The following ACSM3 variants were observed in gnomAD, a reference collection of about 807,000 sequenced individuals.
ACSM3 encodes acyl-CoA synthetase medium chain family member 3.
In ACSM3, 61 loss-of-function variants were observed where a neutral mutation model predicts 74.1. The observed-to-expected ratio is 0.82, with a 90% confidence interval of 0.67 to 1.02. ACSM3 has a LOEUF of 1.02. Among genes scored for constraint, ACSM3 ranks in the 50% least tolerant of loss-of-function variants. The pLI is 0.00. For synonymous variants in ACSM3, 213 were observed against 241.5 expected, an observed-to-expected ratio of 0.88 and a Z score of 1.09; for missense variants, 660 against 697.0, an observed-to-expected ratio of 0.95 and a Z score of 0.60.
chr16:20,737,390 T>A, intron 1 of ACSM3: 1 of 1,164,180 alleles, frequency 8.6e-7, no homozygotes, highest in Non-Finnish European at 1.2e-6. Flanking sequence ...AGACATACAG[T>A]AATCCACTCT....
At position 20,785,030 on chromosome 16, in the gene ACSM3, A is replaced by G. The variant is rs369017155; in HGVS notation, c.1066A>G (p.Ile356Val). Residue 356 changes from isoleucine to valine, a missense_variant, in exon 8 of 14, where the codon ATT becomes GTT. By Grantham distance (29) the Ile-to-Val change is conservative. Transcript: ENST00000289416. ...GCACTGTGTGAGTGCTGGGGAACCA[A>G]TTACCCCTGACGTGACTGAAAAATG... ...LKHCVSAGEP[I>V]TPDVTEKWRN... is the part of the protein sequence containing the mutation. The G allele has an allele frequency of 4.4e-5, 71 of 1,613,626 alleles. No homozygotes were observed. The highest frequency in any genetic ancestry group is 5.8e-5 in the Non-Finnish European group (68 of 1,179,744).
At chr16:20,696,804 GC>G (rs1451161762) in intron 1 of ACSM3, among the ~76,000 whole-genome samples, 2 of 152,178 alleles carry the variant, frequency 1.3e-5, no homozygotes, top group East Asian at 1.9e-4. Context: ...GACTGATAAA[GC>G]TATTTAATGA....
At position 20,717,371 on chromosome 16, in the gene ACSM3, G is replaced by A. The variant is rs188614832; in HGVS notation, c.-189-32539G>A. Among the ~76,000 whole-genome samples, 534 of 152,276 alleles carry A rather than the reference G, an allele frequency of 3.5e-3. 1 individual carries two copies. The highest frequency in any genetic ancestry group is 0.01 in the Middle Eastern group (3 of 294). On this transcript the variant is annotated intron_variant, in intron 1 of 3. Transcript: ENST00000561584. ...AGGAGCTATACAGGACAGTCTTACCGGAAGCACTTGATTGCCTGATACCTG... is the reference window on the plus strand; with the variant it reads ...AGGAGCTATACAGGACAGTCTTACCAGAAGCACTTGATTGCCTGATACCTG...
At chr16:20,741,481 G>GTCCCCCCCCT in intron 1 of ACSM3, 1 of 1,308,414 alleles carries the variant, frequency 7.6e-7, no homozygotes, top group South Asian at 1.8e-5. Flanking sequence ...CTGGCAGCCG[G>GTCCCCCCCCT]CCCGCCCGCC....
chr16:20,718,437 T>G, intron 1 of ACSM3: 1 of 633,644 alleles, frequency 1.6e-6, no homozygotes, highest in Non-Finnish European at 2.3e-6. Context: ...CAGGCTCTCC[T>G]AAGATGGCCC....
At chr16:20,709,848 G>A (rs1555480354) in intron 1 of ACSM3, among the ~76,000 whole-genome samples, 1 of 152,218 alleles carries the variant, frequency 6.6e-6, no homozygotes, top group Non-Finnish European at 1.5e-5. Context: ...CAAGTCTTGG[G>A]AGTCTGGGGA....
chr16:20,777,529 T>C lies in ACSM3; in HGVS notation c.587T>C (p.Ile196Thr). 6.2e-7 allele frequency: 1 copy of C among 1,614,044 alleles called. No individual in the cohort carries two copies. Among genetic ancestry groups the C allele is most frequent in the South Asian group, 1.1e-5 (1 of 91,076 alleles). Residue 196 changes from isoleucine (I) to threonine (T), a missense_variant, in exon 4 of 14, where the codon ATT (isoleucine) becomes ACT (threonine). Physicochemically the swap from Ile to Thr is moderately conservative, Grantham distance 89. Transcript: ENST00000289416. ...SKCENLHSKL[I>T]VSENSREGWG... Reference sequence around the variant, plus strand: ...TGTGAAAATCTGCACTCCAAGCTGATTGTATCAGAGAACTCCAGAGAGGGG... The same window carrying C: ...TGTGAAAATCTGCACTCCAAGCTGACTGTATCAGAGAACTCCAGAGAGGGG...
chr16:20,736,220 C>T (rs1206386052), intron 1 of ACSM3: 2 of 152,086 alleles, frequency 1.3e-5, no homozygotes, highest in Non-Finnish European at 2.9e-5. Context: ...TCCCTTGTTG[C>T]ACTAGTATAC....
intron 1 of ACSM3, among the ~76,000 whole-genome samples, chr16:20,686,097 T>C (rs1035165456): frequency 6.6e-6 from 1 of 152,136 alleles, no homozygotes; most frequent in African/African-American, 2.4e-5. Flanking sequence ...TTAAATAAGT[T>C]ATTTACATAA....
chr16:20,680,792 A>G (rs889316729), intron 1 of ACSM3: 1 of 152,220 alleles, frequency 6.6e-6, no homozygotes, highest in African/African-American at 2.4e-5. Flanking sequence ...CATCAACTAG[A>G]GGTTCCAAAT....
chr16:20,779,193 T>C (rs1173996526), intron 4 of ACSM3, among the ~76,000 whole-genome samples: 1 of 151,484 alleles, frequency 6.6e-6, no homozygotes, highest in Non-Finnish European at 1.5e-5. Context: ...GAGGCTGAGG[T>C]GGGATGATGG....
intron 1 of ACSM3, among the ~76,000 whole-genome samples, chr16:20,743,479 TG>T (rs2152426301): frequency 6.6e-6 from 1 of 152,340 alleles, no homozygotes; most frequent in East Asian, 1.9e-4. Flanking sequence ...TTGAAGAATG[TG>T]TTTAAAAAAC....
At chr16:20,792,169 T>A in intron 11 of ACSM3, 40 bp downstream of exon 11, 1 of 1,614,118 alleles carries the variant, frequency 6.2e-7, no homozygotes, top group Non-Finnish European at 8.5e-7. Flanking sequence ...CTGTGTTAAC[T>A]GATCATCAGT....
intron 2 of ACSM3, among the ~76,000 whole-genome samples, chr16:20,774,239 CTT>C (rs71377684): frequency 3.6e-4 from 41 of 113,994 alleles, no homozygotes; most frequent in Middle Eastern, 5.3e-3. Flanking sequence ...TTTTCTGTGT[CTT>C]TTTTTTTTTT....
intron 4 of ACSM3, among the ~76,000 whole-genome samples, chr16:20,778,352 ATT>A (rs976062454): frequency 1.1e-4 from 17 of 152,150 alleles, no homozygotes; most frequent in African/African-American, 3.4e-4. Flanking sequence ...TTACTCAAGG[ATT>A]TGGGAGCATG....
intron 1 of ACSM3, among the ~76,000 whole-genome samples, chr16:20,691,915 C>T (rs977282712): frequency 1.3e-5 from 2 of 151,868 alleles, no homozygotes; most frequent in Admixed American, 6.6e-5. Context: ...CCCCTACAGG[C>T]GAGAATGAAA....
At chr16:20,749,101 T>C (rs12934252) in intron 1 of ACSM3, among the ~76,000 whole-genome samples, 19,564 of 152,046 alleles carry the variant, frequency 0.13, 1,334 homozygotes, top group East Asian at 0.21. Flanking sequence ...AAGTGAGATA[T>C]GTGTAATATG....
At chr16:20,676,129 G>A (rs2020262430) in intron 1 of ACSM3, 1 of 152,302 alleles carries the variant, frequency 6.6e-6, no homozygotes, top group Non-Finnish European at 1.5e-5. Context: ...TCTCACCTGA[G>A]AAGGAGAAAT....
chr16:20,719,262 T>A (rs1488909136), intron 1 of ACSM3: 6 of 215,650 alleles, frequency 2.8e-5, no homozygotes, highest in Non-Finnish European at 2.1e-5. Context: ...AGATAGCATA[T>A]GGAATGTGTC....
Sources: gnomAD v4.1 joint callset for allele counts (sites outside exome capture counted in the v4.1 genomes callset) on GRCh38, gnomAD v4.1.1 for gene constraint, MANE v1.5 for transcripts, NCBI Gene and HGNC (gene_info 2026-07-23, HGNC 2026-07-21) for gene names.